ROBO2: variants seen among roughly 807,000 people sequenced by gnomAD.
ROBO2 encodes the protein roundabout guidance receptor 2.
In ROBO2, 53 loss-of-function variants were observed where a neutral mutation model predicts 160.8. The observed-to-expected ratio is 0.33, with a 90% CI of 0.26 to 0.41. The LOEUF (loss-of-function observed/expected upper bound fraction) is 0.41, where lower values mean the gene tolerates loss of function less well. Among genes scored for constraint, ROBO2 ranks in the 10% least tolerant of loss-of-function variants. The probability of loss-of-function intolerance (pLI) is 1.00; values close to 1 mark genes in which losing one functional copy is unlikely to be tolerated. For missense variants in ROBO2, 1,577 were observed against 1,722.4 expected, an observed-to-expected ratio of 0.92 and a Z score of 1.49; for synonymous variants, 664 against 611.7, an observed-to-expected ratio of 1.09 and a Z score of -1.26.
intron 2 of ROBO2, among the ~76,000 whole-genome samples, chr3:77,231,317 C>A (rs1334986794): frequency 7.2e-6 from 1 of 138,166 alleles, no homozygotes; most frequent in African/African-American, 2.7e-5. Flanking sequence ...GAGCCAAGAT[C>A]ACGCCACTGT....
At chr3:77,205,083 T>G (rs992671253) in intron 2 of ROBO2, among the ~76,000 whole-genome samples, 2 of 152,136 alleles carry the variant, frequency 1.3e-5, no homozygotes, top group African/African-American at 4.8e-5. Context: ...AGTGTTGCAA[T>G]GCTCTTTTAG....
At chr3:76,741,321 T>C (rs1435636837) in intron 2 of ROBO2, among the ~76,000 whole-genome samples, 1 of 152,076 alleles carries the variant, frequency 6.6e-6, no homozygotes, top group Non-Finnish European at 1.5e-5. Flanking sequence ...TAACAATAAA[T>C]GAAAAGTAAC....
intron 2 of ROBO2, among the ~76,000 whole-genome samples, chr3:76,105,811 A>C (rs1428267722): frequency 6.6e-6 from 1 of 152,056 alleles, no homozygotes; most frequent in Non-Finnish European, 1.5e-5. Flanking sequence ...AAGGAGAAGG[A>C]ATATGGATCA....
chr3:76,365,022 A>G (rs2075732284), intron 2 of ROBO2, among the ~76,000 whole-genome samples: 1 of 151,998 alleles, frequency 6.6e-6, no homozygotes, highest in Admixed American at 6.6e-5. Context: ...TGTGAACTCA[A>G]GTCTAAGAGA....
intron 2 of ROBO2, among the ~76,000 whole-genome samples, chr3:77,196,140 T>C (rs2082287127): frequency 6.6e-6 from 1 of 152,200 alleles, no homozygotes; most frequent in African/African-American, 2.4e-5. Context: ...AGTAGACAGC[T>C]AATAGGGGAG....
chr3:77,163,194 A>G (rs2078652028), intron 2 of ROBO2, among the ~76,000 whole-genome samples: 1 of 152,200 alleles, frequency 6.6e-6, no homozygotes, highest in South Asian at 2.1e-4. Flanking sequence ...CTTCATTTGA[A>G]TTCTATGCAA....
intron 2 of ROBO2, among the ~76,000 whole-genome samples, chr3:77,301,128 C>A (rs905545573): frequency 6.6e-6 from 1 of 151,896 alleles, no homozygotes. Flanking sequence ...CTTGGTCTCT[C>A]GAAGTGCTGG....
chr3:77,644,135 A>G (rs1047413906), intron 24 of ROBO2, among the ~76,000 whole-genome samples: 20 of 151,094 alleles, frequency 1.3e-4, no homozygotes, highest in African/African-American at 4.6e-4. Flanking sequence ...AAAAAAAATT[A>G]GCATATTATT....
chr3:76,826,652 G>A (rs764934227), intron 2 of ROBO2, among the ~76,000 whole-genome samples: 2 of 152,130 alleles, frequency 1.3e-5, no homozygotes, highest in Admixed American at 6.6e-5. Context: ...TAAGGCTAAC[G>A]ATATATGACA....
chr3:76,656,392 C>T (rs149226928), intron 2 of ROBO2, among the ~76,000 whole-genome samples: 160 of 152,220 alleles, frequency 1.1e-3, no homozygotes, highest in African/African-American at 3.6e-3. Context: ...TGATAAATAA[C>T]AATAATCATC....
chr3:76,791,449 A>G (rs759490576), intron 2 of ROBO2, among the ~76,000 whole-genome samples: 3 of 150,434 alleles, frequency 2.0e-5, no homozygotes, highest in Non-Finnish European at 4.4e-5. Context: ...TTCTGCTTTC[A>G]TGTCTCTCTC....
intron 2 of ROBO2, among the ~76,000 whole-genome samples, chr3:76,462,161 A>G (rs2078119530): frequency 6.6e-6 from 1 of 152,164 alleles, no homozygotes; most frequent in African/African-American, 2.4e-5. Flanking sequence ...TTTATCAAAG[A>G]CTATTAGGAG....
intron 2 of ROBO2, among the ~76,000 whole-genome samples, chr3:77,237,998 G>A (rs2088342112): frequency 1.3e-5 from 2 of 152,168 alleles, no homozygotes; most frequent in African/African-American, 4.8e-5. Context: ...ATGATATGGA[G>A]CATCTTTTCA....
At chr3:77,292,993 T>A (rs2061500612) in intron 2 of ROBO2, among the ~76,000 whole-genome samples, 1 of 151,512 alleles carries the variant, frequency 6.6e-6, no homozygotes, top group South Asian at 2.1e-4. Context: ...AATTGACGGT[T>A]AAACGGGTAA....
chr3:75,918,645 A>G (rs940566427), intron 1 of ROBO2, among the ~76,000 whole-genome samples: 6 of 152,100 alleles, frequency 3.9e-5, no homozygotes, highest in Non-Finnish European at 8.8e-5. Context: ...TTTTCATGAT[A>G]TTGAGTCTTC....
intron 2 of ROBO2, among the ~76,000 whole-genome samples, chr3:76,540,342 A>G (rs1349952112): frequency 6.6e-6 from 1 of 152,172 alleles, no homozygotes; most frequent in Non-Finnish European, 1.5e-5. Context: ...TTAAGTAGAG[A>G]AGTTTGAACT....
At chr3:77,102,178 A>G (rs759132822) in intron 2 of ROBO2, among the ~76,000 whole-genome samples, 42 of 152,324 alleles carry the variant, frequency 2.8e-4, no homozygotes, top group Non-Finnish European at 4.6e-4. Context: ...TGGAAGTAGC[A>G]AATGCTGCCG....
intron 2 of ROBO2, among the ~76,000 whole-genome samples, chr3:77,239,565 C>A (rs563973607): frequency 6.6e-6 from 1 of 152,342 alleles, no homozygotes; most frequent in South Asian, 2.1e-4. Context: ...TATCTGACCC[C>A]ACCCACATCT....
intron 2 of ROBO2, among the ~76,000 whole-genome samples, chr3:76,714,668 T>A (rs1342804810): frequency 1.3e-5 from 2 of 152,184 alleles, no homozygotes; most frequent in Admixed American, 1.3e-4. Context: ...TTTGCTGGAC[T>A]CAACACATTT....
Sources: gnomAD v4.1 joint callset for allele counts (sites outside exome capture counted in the v4.1 genomes callset) on GRCh38, gnomAD v4.1.1 for gene constraint, MANE v1.5 for transcripts, NCBI Gene and HGNC (gene_info 2026-07-23, HGNC 2026-07-21) for gene names.